IMMP2L: variants seen among roughly 807,000 people sequenced by gnomAD.
IMMP2L encodes the protein mitochondrial inner membrane protease subunit 2.
Under a neutral mutation model 19.3 loss-of-function variants are expected in IMMP2L, and 18 were observed. That is an observed-to-expected ratio of 0.93 (90% CI 0.64 to 1.38). The LOEUF (loss-of-function observed/expected upper bound fraction) is 1.38, where lower values mean the gene tolerates loss of function less well. IMMP2L is among the 40% of genes most tolerant of loss of function. IMMP2L has a pLI of 0.00. For synonymous variants in IMMP2L, 76 were observed against 73.0 expected (o/e 1.04, Z -0.21); for missense variants, 233 against 218.2 (o/e 1.07, Z -0.43).
chr7:110,706,844 G>C (rs1021951158), intron 5 of IMMP2L, among the ~76,000 whole-genome samples: 6 of 151,826 alleles, frequency 4.0e-5, no homozygotes, highest in African/African-American at 1.5e-4. Flanking sequence ...ATGCTCCTTA[G>C]TTTAATTAGG....
chr7:111,032,873 A>C (rs911449336), intron 3 of IMMP2L, among the ~76,000 whole-genome samples: 7 of 152,100 alleles, frequency 4.6e-5, no homozygotes, highest in Non-Finnish European at 1.0e-4. Context: ...TAATTCCAGC[A>C]CTTTGGGAAG....
chr7:111,392,593 G>A (rs780860115), intron 3 of IMMP2L, among the ~76,000 whole-genome samples: 1 of 151,986 alleles, frequency 6.6e-6, no homozygotes, highest in African/African-American at 2.4e-5. Flanking sequence ...ACACAAACTC[G>A]AAGTCCCATA....
chr7:110,856,631 G>A (rs926726381), intron 5 of IMMP2L, among the ~76,000 whole-genome samples: 102 of 152,140 alleles, frequency 6.7e-4, no homozygotes, highest in African/African-American at 2.0e-3. Context: ...AATTTGGCAC[G>A]TAAGGGAAAT....
chr7:111,279,133 CTTATACAGCAG>C (rs1819422815), intron 3 of IMMP2L, among the ~76,000 whole-genome samples: 1 of 152,108 alleles, frequency 6.6e-6, no homozygotes, highest in Non-Finnish European at 1.5e-5. Flanking sequence ...AATAACAAAT[CTTATACAGCAG>C]AGGCTATTTT....
chr7:110,920,010 T>G (rs1401392090), intron 4 of IMMP2L, among the ~76,000 whole-genome samples: 1 of 152,198 alleles, frequency 6.6e-6, no homozygotes, highest in Non-Finnish European at 1.5e-5. Context: ...CCTTCAAACA[T>G]CAGACTCCAA....
At chr7:111,446,892 G>C (rs561944680) in intron 3 of IMMP2L, among the ~76,000 whole-genome samples, 2 of 150,544 alleles carry the variant, frequency 1.3e-5, no homozygotes, top group African/African-American at 2.5e-5. Context: ...ACCAAGGCTC[G>C]AGAACTACGT....
In IMMP2L at chr7:111,431,064, G is replaced by A. The variant is rs190366599; in HGVS notation, c.239+56174C>T. 1.6e-3 allele frequency among the ~76,000 whole-genome samples: 246 copies of A among 151,866 alleles called. 2 individuals carry two copies. Among genetic ancestry groups the A allele is most frequent in the Non-Finnish European group, 7.8e-4 (53 of 67,986 alleles). ...AGAGATTGCAGTGAGCCAAGATCACGCCACTGCACTCCAGCCTAGGCAAAA... is the reference window on the plus strand; with the variant it reads ...AGAGATTGCAGTGAGCCAAGATCACACCACTGCACTCCAGCCTAGGCAAAA... On this transcript the variant is annotated intron_variant, in intron 3 of 5. Transcript: ENST00000405709.
At chr7:110,927,448 T>C (rs1308314141) in intron 4 of IMMP2L, among the ~76,000 whole-genome samples, 2 of 152,080 alleles carry the variant, frequency 1.3e-5, no homozygotes, top group East Asian at 3.9e-4. Flanking sequence ...ACTAATTAGC[T>C]GCCCTCAGGA....
chr7:111,448,146 G>C (rs9669423), intron 3 of IMMP2L, among the ~76,000 whole-genome samples: 5,104 of 111,844 alleles, frequency 0.046, 168 homozygotes, highest in African/African-American at 0.1. Context: ...TTAGACAGAT[G>C]AACGAGACAG....
intron 3 of IMMP2L, among the ~76,000 whole-genome samples, chr7:111,070,795 C>T (rs1481571950): frequency 2.0e-5 from 3 of 152,062 alleles, no homozygotes; most frequent in Admixed American, 6.6e-5. Context: ...TACAACAAAC[C>T]TACACTTCTT....
chr7:110,770,373 A>G (rs1259919184), intron 5 of IMMP2L, among the ~76,000 whole-genome samples: 1 of 152,180 alleles, frequency 6.6e-6, no homozygotes, highest in Middle Eastern at 3.2e-3. Context: ...TTCTGTGAAT[A>G]TATTAAAAGG....
chr7:110,669,487 C>T (rs1404923), intron 5 of IMMP2L, among the ~76,000 whole-genome samples: 81,591 of 152,012 alleles, frequency 0.54, 22,949 homozygotes, highest in African/African-American at 0.7. Flanking sequence ...CGGAATAATG[C>T]TCGACCAAAG....
chr7:111,501,025 G>A (rs1014018502), intron 2 of IMMP2L, among the ~76,000 whole-genome samples: 46 of 152,052 alleles, frequency 3.0e-4, no homozygotes, highest in Non-Finnish European at 2.2e-4. Context: ...AAACTACTCC[G>A]AGCTACAGGA....
At chr7:111,011,206 G>A (rs1329935225) in intron 3 of IMMP2L, among the ~76,000 whole-genome samples, 1 of 152,092 alleles carries the variant, frequency 6.6e-6, no homozygotes. Context: ...AGAAAATCAT[G>A]TGCTAGATTA....
intron 3 of IMMP2L, among the ~76,000 whole-genome samples, chr7:111,426,821 A>T (rs1836125629): frequency 2.0e-5 from 3 of 151,094 alleles, no homozygotes; most frequent in Admixed American, 2.0e-4. Context: ...GTTATATGAG[A>T]TTTTTTTAAA....
rs748454509 is a variant in IMMP2L at position 111,352,367 on chromosome 7, C to CT, written c.239+134870dup. On this transcript the variant is annotated intron_variant, in intron 3 of 5. Transcript: ENST00000405709. ...GGTACATGCCACCATGCACAACTAA[C>CT]TTTTTTTTTTTTTTTTTTTTTGATA... Among the ~76,000 whole-genome samples the CT allele has an allele frequency of 2.5e-3, 332 of 130,822 alleles. 1 individual carries two copies. The highest frequency in any genetic ancestry group is 9.2e-3 in the South Asian group (37 of 4,018). The allele number at this position is 130,822 out of a possible 152,430, so 85.8% of individuals were successfully genotyped here.
intron 3 of IMMP2L, among the ~76,000 whole-genome samples, chr7:111,421,571 GT>G (rs1040579089): frequency 6.6e-6 from 1 of 151,516 alleles, no homozygotes; most frequent in Non-Finnish European, 1.5e-5. Flanking sequence ...CGCCCGGCCT[GT>G]TTTTTTCTTG....
rs767251761 is a variant in IMMP2L at position 110,935,297 on chromosome 7, T to C, written c.305+28203A>G. Among the ~76,000 whole-genome samples the C allele has an allele frequency of 3.3e-5, 5 of 152,190 alleles. No homozygotes were observed. In the South Asian group the frequency reaches 6.2e-4, roughly 19 times the overall value. ...ATATGAAATTTTGGGTTGAAAATTCTTTTCTTTAAGAATGTTGAATATTGT... is the reference window on the plus strand; with the variant it reads ...ATATGAAATTTTGGGTTGAAAATTCCTTTCTTTAAGAATGTTGAATATTGT... On this transcript the variant is annotated intron_variant, in intron 4 of 5. Coordinates refer to ENST00000405709, the MANE Select transcript of IMMP2L (RefSeq NM_032549.4).
At chr7:110,780,621 C>T (rs1799674409) in intron 5 of IMMP2L, among the ~76,000 whole-genome samples, 1 of 151,716 alleles carries the variant, frequency 6.6e-6, no homozygotes, top group African/African-American at 2.4e-5. Flanking sequence ...GCCAACTCAC[C>T]TCTATGTTCC....
Sources: gnomAD v4.1 joint callset for allele counts (sites outside exome capture counted in the v4.1 genomes callset) on GRCh38, gnomAD v4.1.1 for gene constraint, MANE v1.5 for transcripts, NCBI Gene and HGNC (gene_info 2026-07-23, HGNC 2026-07-21) for gene names.